The following MAGI2 variants were observed in gnomAD, a reference collection of about 807,000 sequenced individuals.
MAGI2 encodes the protein membrane associated guanylate kinase, WW and PDZ domain containing 2.
A neutral mutation model predicts 133.3 loss-of-function variants in MAGI2; 35 were observed. The observed-to-expected ratio is 0.26, with a 90% CI of 0.20 to 0.35. MAGI2 has a LOEUF of 0.35. Ranked by LOEUF, MAGI2 falls within the 10% of genes least tolerant of loss-of-function variation. MAGI2 has a pLI of 1.00. For missense variants in MAGI2, 1,636 were observed against 1,863.4 expected (o/e 0.88, Z 2.25); for synonymous variants, 729 against 710.6 (o/e 1.03, Z -0.41).
chr7:78,272,144 C>G (rs1794642749), intron 9 of MAGI2, among the ~76,000 whole-genome samples: 1 of 152,106 alleles, frequency 6.6e-6, no homozygotes, highest in Non-Finnish European at 1.5e-5. Context: ...TGCATCGTGT[C>G]CTTTGTTCTC....
In MAGI2 at chr7:78,292,175, T is replaced by C. The variant is rs1371381420; in HGVS notation, c.1409-35594A>G. Among the ~76,000 whole-genome samples the C allele has an allele frequency of 5.9e-5, 9 of 152,270 alleles. No homozygotes were observed. The East Asian group carries it at 1.4e-3, about 23-fold the overall frequency. On this transcript the variant is annotated intron_variant, in intron 9 of 21. Coordinates refer to ENST00000354212, the MANE Select transcript of MAGI2 (RefSeq NM_012301.4). ...TTTGCAGATGACATGATTGTATACTTAGAAAACCCCATTGTCTCAGCCCAA... is the reference window on the plus strand; with the variant it reads ...TTTGCAGATGACATGATTGTATACTCAGAAAACCCCATTGTCTCAGCCCAA...
At chr7:79,313,859 G>A (rs1838490391) in intron 1 of MAGI2, among the ~76,000 whole-genome samples, 1 of 149,696 alleles carries the variant, frequency 6.7e-6, no homozygotes, top group Admixed American at 6.7e-5. Flanking sequence ...CTGGAATGCA[G>A]TGGCCCTATC....
intron 20 of MAGI2, among the ~76,000 whole-genome samples, chr7:78,084,541 C>G (rs79460885): frequency 6.6e-6 from 1 of 152,214 alleles, no homozygotes; most frequent in African/African-American, 2.4e-5. Flanking sequence ...TACTGCCTTA[C>G]GCAGTTCCAT....
intron 21 of MAGI2, among the ~76,000 whole-genome samples, chr7:78,030,064 G>A (rs1439323522): frequency 2.0e-5 from 3 of 152,082 alleles, no homozygotes; most frequent in Non-Finnish European, 4.4e-5. Context: ...GTGGCTACTG[G>A]GAGACCTGGT....
rs182246414 is a variant in MAGI2 at position 79,364,211 on chromosome 7, A to C, written c.301+88809T>G. Reference sequence around the variant, plus strand: ...TTTCTCAAAAAACTAAAAGTAGAACAACCATATGATCCAGTAAACGCACTA... The same window carrying C: ...TTTCTCAAAAAACTAAAAGTAGAACCACCATATGATCCAGTAAACGCACTA... On this transcript the variant is annotated intron_variant, in intron 1 of 21. Transcript: ENST00000354212. 4.6e-5 allele frequency among the ~76,000 whole-genome samples: 7 copies of C among 152,164 alleles called. No individual in the cohort carries two copies. The East Asian group carries it at 1.4e-3, about 29-fold the overall frequency.
At chr7:79,172,072 C>T (rs7780969) in intron 1 of MAGI2, among the ~76,000 whole-genome samples, 8,264 of 151,766 alleles carry the variant, frequency 0.054, 457 homozygotes, top group East Asian at 0.16. Flanking sequence ...GATTCTTGTG[C>T]AAGTTCGATC....
intron 2 of MAGI2, among the ~76,000 whole-genome samples, chr7:78,987,665 A>C (rs1237346272): frequency 6.6e-6 from 1 of 152,032 alleles, no homozygotes; most frequent in Non-Finnish European, 1.5e-5. Context: ...TTGTTTGAAA[A>C]TCTTCTCTAC....
intron 1 of MAGI2, among the ~76,000 whole-genome samples, chr7:79,368,514 C>T (rs1277918591): frequency 6.6e-6 from 1 of 152,082 alleles, no homozygotes; most frequent in Non-Finnish European, 1.5e-5. Flanking sequence ...AAATCATTTC[C>T]ACTTATCACT....
chr7:79,453,408 C>A lies in MAGI2; in HGVS notation c.-88G>T. ...GAATGAGGATGGAGGAGCAAGGGGG[C>A]CCAGGGGGAAGAACAGCAGACTTTG... is the stretch of plus-strand genomic sequence containing the variant. On this transcript the variant is annotated 5_prime_UTR_variant, in exon 1 of 22. Transcript: ENST00000354212. The A allele has an allele frequency of 6.6e-7, 1 of 1,511,346 alleles. No individual in the cohort carries two copies. Among genetic ancestry groups the A allele is most frequent in the Non-Finnish European group, 8.8e-7 (1 of 1,135,660 alleles). The allele number at this position is 1,511,346 out of a possible 1,614,324, so 93.6% of individuals were successfully genotyped here. A position where few individuals can be genotyped will look rare whatever the true frequency, so the allele number is the denominator to read the frequency against.
At position 78,882,115 on chromosome 7, in the gene MAGI2, A is replaced by AAAAAAAAAAAAAAAAAG. The variant is rs1795918606; in HGVS notation, c.418+124974_418+124975insCTTTTTTTTTTTTTTTT. ...AAAAAAAAAAAAAAAAAAAGAAAAGAAAAACAAAAAAAAAAGAGAGAGAGA... is the reference window on the plus strand; with the variant it reads ...AAAAAAAAAAAAAAAAAAAGAAAAGAAAAAAAAAAAAAAAAAGAAAACAAAAAAAAAAGAGAGAGAGA... On this transcript the variant is annotated intron_variant, in intron 2 of 21. Transcript: ENST00000354212. 1.6e-4 allele frequency among the ~76,000 whole-genome samples: 15 copies of AAAAAAAAAAAAAAAAAG among 93,732 alleles called. 1 individual carries two copies. Among genetic ancestry groups the AAAAAAAAAAAAAAAAAG allele is most frequent in the South Asian group, 6.9e-4 (1 of 1,452 alleles). The allele number at this position is 93,732 out of a possible 152,430, so 61.5% of individuals were successfully genotyped here. A position where few individuals can be genotyped will look rare whatever the true frequency, so the allele number is the denominator to read the frequency against.
chr7:78,738,321 C>G (rs1822068668), intron 2 of MAGI2, among the ~76,000 whole-genome samples: 1 of 151,942 alleles, frequency 6.6e-6, no homozygotes, highest in Admixed American at 6.6e-5. Context: ...AAAATCTGTT[C>G]TTTTACTTTT....
chr7:78,879,684 T>C (rs1455111078), intron 2 of MAGI2, among the ~76,000 whole-genome samples: 7 of 151,932 alleles, frequency 4.6e-5, no homozygotes, highest in Non-Finnish European at 1.0e-4. Flanking sequence ...AATCTGAACA[T>C]TGTGACATGA....
At chr7:78,265,887 A>G (rs1402891094) in intron 9 of MAGI2, among the ~76,000 whole-genome samples, 1 of 152,216 alleles carries the variant, frequency 6.6e-6, no homozygotes, top group Non-Finnish European at 1.5e-5. Context: ...AACATAGCGT[A>G]GCAAGTAGCT....
intron 2 of MAGI2, among the ~76,000 whole-genome samples, chr7:79,003,921 G>A (rs1157412351): frequency 6.6e-6 from 1 of 152,120 alleles, no homozygotes; most frequent in African/African-American, 2.4e-5. Flanking sequence ...ACTCCAGTTA[G>A]AATGTCTATT....
Position 78,882,086 on chromosome 7 carries a change from CAAAA to C in MAGI2, c.418+125000_418+125003del, listed in dbSNP as rs771918590. 4.6e-3 allele frequency among the ~76,000 whole-genome samples: 57 copies of C among 12,464 alleles called. No homozygotes were observed. In the South Asian group the frequency reaches 0.053, roughly 12 times the overall value. The allele number at this position is 12,464 out of a possible 152,430, so 8.2% of individuals were successfully genotyped here. On this transcript the variant is annotated intron_variant, in intron 2 of 21. Transcript: ENST00000354212. The stretch of plus-strand genomic sequence containing the variant: ...GCTAGATTAACAACAACAACAACAA[CAAAA>C]AAAAAAAAAAAAAAAAAAGAAAAGA...
chr7:78,880,316 C>T (rs766222789), intron 2 of MAGI2, among the ~76,000 whole-genome samples: 2 of 152,102 alleles, frequency 1.3e-5, no homozygotes, highest in African/African-American at 4.8e-5. Context: ...TCTTAAAAGG[C>T]AGCTAGAGGA....
chr7:78,223,169 G>T (rs1789004427), intron 10 of MAGI2, among the ~76,000 whole-genome samples: 1 of 152,132 alleles, frequency 6.6e-6, no homozygotes, highest in African/African-American at 2.4e-5. Flanking sequence ...CATCTTTTAA[G>T]ACTTTTGAGT....
intron 1 of MAGI2, among the ~76,000 whole-genome samples, chr7:79,069,422 C>T (rs1814720684): frequency 6.6e-6 from 1 of 152,026 alleles, no homozygotes; most frequent in African/African-American, 2.4e-5. Flanking sequence ...GATTGTAACC[C>T]CTGCTTTTTT....
At chr7:78,611,295 C>T (rs1234899136) in intron 3 of MAGI2, among the ~76,000 whole-genome samples, 2 of 152,160 alleles carry the variant, frequency 1.3e-5, no homozygotes, top group Non-Finnish European at 2.9e-5. Context: ...TATCTTTCTT[C>T]TTTTTCCTTG....
Sources: gnomAD v4.1 joint callset for allele counts (sites outside exome capture counted in the v4.1 genomes callset) on GRCh38, gnomAD v4.1.1 for gene constraint, MANE v1.5 for transcripts, NCBI Gene and HGNC (gene_info 2026-07-23, HGNC 2026-07-21) for gene names.